The following ANAPC1 variants were observed in gnomAD, a reference collection of about 807,000 sequenced individuals.
ANAPC1 encodes anaphase promoting complex subunit 1.
ANAPC1 carries 36 observed loss-of-function variants against 208.0 expected under a neutral mutation model. The observed-to-expected ratio is 0.17, with a 90% CI of 0.13 to 0.23. The LOEUF is 0.23. Among genes scored for constraint, ANAPC1 ranks in the 10% least tolerant of loss-of-function variants. ANAPC1 has a pLI of 1.00. For synonymous variants in ANAPC1, 378 were observed against 695.2 expected (o/e 0.54, Z 7.18); for missense variants, 942 against 2,011.6 (o/e 0.47, Z 10.17).
chr2:111,864,760 G>A (rs760820987), intron 8 of ANAPC1, 46 bp downstream of exon 8: 102 of 1,607,830 alleles, frequency 6.3e-5, no homozygotes, highest in Non-Finnish European at 8.7e-5. Context: ...AGTGCACCCA[G>A]CCTACCCTTT....
chr2:111,777,148 C>G, intron 45 of ANAPC1, 91 bp from the exon 46 acceptor site: 1 of 597,454 alleles, frequency 1.7e-6, no homozygotes, highest in Non-Finnish European at 3.0e-6. Flanking sequence ...TTAAATGTGG[C>G]TCCGAATTAT....
At chr2:111,781,739 G>A (rs1172483496) in intron 43 of ANAPC1, among the ~76,000 whole-genome samples, 537 of 150,974 alleles carry the variant, frequency 3.6e-3, no homozygotes, top group African/African-American at 0.012. Flanking sequence ...CCTGATTATG[G>A]GACAAATTTC....
In ANAPC1 at chr2:111,868,105, A is replaced by G. The variant is rs1573503919; in HGVS notation, c.612-9T>C. 3.8e-6 allele frequency: 6 copies of G among 1,572,386 alleles called. No homozygotes were observed. In the East Asian group the frequency reaches 1.4e-4, roughly 36 times the overall value. On this transcript the variant is annotated splice_polypyrimidine_tract_variant and intron_variant, in intron 6 of 47. Transcript: ENST00000341068. ...TAGTAGGTAAAGGTTCTCTAGCAAT[A>G]AACAAATAATCAATTAATTACCAAT...
chr2:111,850,459 G>A (rs1681330046), intron 14 of ANAPC1, among the ~76,000 whole-genome samples: 1 of 151,926 alleles, frequency 6.6e-6, no homozygotes, highest in African/African-American at 2.4e-5. Flanking sequence ...AATCAACGAT[G>A]GTACTCTCTT....
chr2:111,859,128 T>A (rs1362056256), intron 10 of ANAPC1, among the ~76,000 whole-genome samples: 6 of 152,174 alleles, frequency 3.9e-5, no homozygotes, highest in Admixed American at 2.0e-4. Context: ...CTTCTCAGAT[T>A]AGGCCTCATT....
At chr2:111,807,690 A>T (rs552107732) in intron 29 of ANAPC1, among the ~76,000 whole-genome samples, 2,873 of 29,766 alleles carry the variant, frequency 0.097, 14 homozygotes, top group Middle Eastern at 0.14. Flanking sequence ...AGACTCTCTC[A>T]AAAAAAAAAA....
At chr2:111,789,006 C>A (rs1398732532) in intron 38 of ANAPC1, among the ~76,000 whole-genome samples, 37 of 152,352 alleles carry the variant, frequency 2.4e-4, no homozygotes, top group Admixed American at 2.4e-3. Context: ...GGCGCCGTGG[C>A]GGGCGCCTAT....
intron 19 of ANAPC1, among the ~76,000 whole-genome samples, chr2:111,833,799 TC>T (rs1680319380): frequency 1.3e-5 from 2 of 151,956 alleles, no homozygotes; most frequent in South Asian, 2.1e-4. Context: ...AGTAATGACA[TC>T]CTAAGAGATA....
intron 46 of ANAPC1, among the ~76,000 whole-genome samples, chr2:111,772,921 G>A (rs1324921085): frequency 6.6e-6 from 1 of 151,130 alleles, no homozygotes; most frequent in African/African-American, 2.4e-5. Context: ...AACCACAGAT[G>A]AGTGGGCCCC....
intron 39 of ANAPC1, among the ~76,000 whole-genome samples, chr2:111,787,901 C>CA (rs1677650162): frequency 6.8e-6 from 1 of 146,792 alleles, no homozygotes; most frequent in South Asian, 2.2e-4. Context: ...AATTAGAGCA[C>CA]AAAAAAAGTA....
chr2:111,883,398 C>G (rs1272164274), intron 1 of ANAPC1, among the ~76,000 whole-genome samples: 1 of 151,894 alleles, frequency 6.6e-6, no homozygotes, highest in Non-Finnish European at 1.5e-5. Flanking sequence ...ATATTTAATA[C>G]TTTTTCAGTA....
At chr2:111,812,582 G>GA (rs1679048386) in intron 28 of ANAPC1, among the ~76,000 whole-genome samples, 1 of 146,180 alleles carries the variant, frequency 6.8e-6, no homozygotes, top group Non-Finnish European at 1.5e-5. Context: ...GGAAAAAACT[G>GA]AGAGAGGCTT....
At chr2:111,864,463 C>CTTT (rs1156702851) in intron 8 of ANAPC1, among the ~76,000 whole-genome samples, 3,750 of 95,140 alleles carry the variant, frequency 0.039, 658 homozygotes, top group Middle Eastern at 0.048. Context: ...TATATATATA[C>CTTT]TTTTTTTTTT....
intron 1 of ANAPC1, among the ~76,000 whole-genome samples, chr2:111,881,919 T>G (rs1218270711): frequency 1.3e-5 from 2 of 152,324 alleles, no homozygotes; most frequent in East Asian, 3.9e-4. Flanking sequence ...GTGCGGTGGC[T>G]CACGCCTATA....
chr2:111,799,358 C>G (rs1678328636), intron 34 of ANAPC1, among the ~76,000 whole-genome samples: 1 of 152,182 alleles, frequency 6.6e-6, no homozygotes, highest in South Asian at 2.1e-4. Context: ...GTCAATGTGT[C>G]AAATGGTACA....
intron 26 of ANAPC1, among the ~76,000 whole-genome samples, chr2:111,819,813 C>A (rs1411816680): frequency 3.9e-5 from 6 of 152,276 alleles, no homozygotes; most frequent in African/African-American, 1.2e-4. Context: ...CATACTCCCT[C>A]CTTAACTGGA....
At chr2:111,856,098 G>A (rs1681701346) in intron 13 of ANAPC1, among the ~76,000 whole-genome samples, 1 of 152,118 alleles carries the variant, frequency 6.6e-6, no homozygotes, top group Non-Finnish European at 1.5e-5. Flanking sequence ...AGCCAGGCGT[G>A]GTGGCAGGCG....
rs377468110 is a variant in ANAPC1 at position 111,848,427 on chromosome 2, T to C, written c.1651-562A>G. Among the ~76,000 whole-genome samples, 43 of 151,102 alleles carry C rather than the reference T, an allele frequency of 2.8e-4. No individual in the cohort carries two copies. The East Asian group carries it at 5.8e-3, about 21-fold the overall frequency. On this transcript the variant is annotated intron_variant, in intron 14 of 47. Coordinates refer to ENST00000341068, the MANE Select transcript of ANAPC1 (RefSeq NM_022662.4). ...GGCTGACAATATGCAAGGAAAGTCA[T>C]AGCTAAGAGGGAGAGAAGCCAGCAG...
At position 111,801,527 on chromosome 2, in the gene ANAPC1, T is replaced by C. The variant is rs542449040; in HGVS notation, c.4222-656A>G. Among the ~76,000 whole-genome samples the C allele has an allele frequency of 2.6e-3, 348 of 132,454 alleles. 2 individuals carry two copies. The highest frequency in any genetic ancestry group is 4.3e-3 in the Non-Finnish European group (268 of 61,760). 86.9% of individuals were successfully genotyped at this position (132,454 alleles called of 152,430 possible). A position where few individuals can be genotyped will look rare whatever the true frequency, so the allele number is the denominator to read the frequency against. On this transcript the variant is annotated intron_variant, in intron 33 of 47. Coordinates refer to ENST00000341068, the MANE Select transcript of ANAPC1 (RefSeq NM_022662.4). ...GTAGAGTATGGGTCATTTACCCTCATGACTGCATGGCTGACTGGGAGCTGC... is the reference window on the plus strand; with the variant it reads ...GTAGAGTATGGGTCATTTACCCTCACGACTGCATGGCTGACTGGGAGCTGC...
Sources: gnomAD v4.1 joint callset for allele counts (sites outside exome capture counted in the v4.1 genomes callset) on GRCh38, gnomAD v4.1.1 for gene constraint, MANE v1.5 for transcripts, NCBI Gene and HGNC (gene_info 2026-07-23, HGNC 2026-07-21) for gene names.